Variants in CDK6 observed in about 807,000 individuals in gnomAD.
CDK6 encodes the protein cyclin dependent kinase 6, also known as cyclin-dependent kinase 6.
In CDK6, 6 loss-of-function variants were observed where a neutral mutation model predicts 37.1. That is an observed-to-expected ratio of 0.16 (90% CI 0.09 to 0.32). The LOEUF is 0.32. Among genes scored for constraint, CDK6 ranks in the 10% least tolerant of loss-of-function variants. The pLI is 1.00. For synonymous variants in CDK6, 160 were observed against 161.3 expected, an observed-to-expected ratio of 0.99 and a Z score of 0.06; for missense variants, 224 against 418.9, an observed-to-expected ratio of 0.53 and a Z score of 4.06.
chr7:92,795,774 T>C (rs1413770855), intron 2 of CDK6, among the ~76,000 whole-genome samples: 1 of 152,206 alleles, frequency 6.6e-6, no homozygotes, highest in Non-Finnish European at 1.5e-5. Flanking sequence ...TAGTTTAATT[T>C]AACCAGTTTT....
chr7:92,716,090 T>C (rs1339553032), intron 4 of CDK6, among the ~76,000 whole-genome samples: 3 of 152,128 alleles, frequency 2.0e-5, no homozygotes, highest in Non-Finnish European at 4.4e-5. Flanking sequence ...ACGCAGGCAA[T>C]TGGGAAGATT....
At chr7:92,800,401 G>C (rs1041075578) in intron 2 of CDK6, among the ~76,000 whole-genome samples, 7 of 152,060 alleles carry the variant, frequency 4.6e-5, no homozygotes, top group Admixed American at 3.9e-4. Flanking sequence ...TTCTTCTCTT[G>C]TTTGGAGCCT....
At chr7:92,766,123 A>G (rs1265629927) in intron 3 of CDK6, among the ~76,000 whole-genome samples, 1 of 152,108 alleles carries the variant, frequency 6.6e-6, no homozygotes, top group South Asian at 2.1e-4. Context: ...AAACCACTGG[A>G]GCTAAGTTTT....
chr7:92,704,191 A>G (rs1192696636), intron 4 of CDK6, among the ~76,000 whole-genome samples: 1 of 152,176 alleles, frequency 6.6e-6, no homozygotes, highest in African/African-American at 2.4e-5. Context: ...TTTATCTAAT[A>G]TATTAATTTG....
At chr7:92,647,970 G>A (rs191130795) in intron 5 of CDK6, among the ~76,000 whole-genome samples, 3 of 152,316 alleles carry the variant, frequency 2.0e-5, no homozygotes, top group East Asian at 3.9e-4. Flanking sequence ...TATAGCATGA[G>A]CAGGTTTGTT....
At position 92,605,862 on chromosome 7, in the gene CDK6, A is replaced by AAT. The variant is rs1795416388; in HGVS notation, c.*9277_*9278insAT. ...ACCCACAGGGTGGACCCGACAGGCC[A>AAT]CTGTGGTAACTCTCAATCTGTGTAC... On this transcript the variant is annotated 3_prime_UTR_variant, in exon 8 of 8. Transcript: ENST00000424848. 1 of 233,426 alleles carries AAT rather than the reference A, an allele frequency of 4.3e-6. No individual in the cohort carries two copies. The highest frequency in any genetic ancestry group is 5.6e-5 in the Admixed American group (1 of 17,774). The allele number at this position is 233,426 out of a possible 1,614,324, so 14.5% of individuals were successfully genotyped here.
At chr7:92,677,705 CAA>C (rs1278786150) in intron 4 of CDK6, among the ~76,000 whole-genome samples, 1 of 152,190 alleles carries the variant, frequency 6.6e-6, no homozygotes, top group African/African-American at 2.4e-5. Context: ...TTCTATATAT[CAA>C]GAGAGCATCC....
chr7:92,639,014 A>C (rs567492331), intron 5 of CDK6, among the ~76,000 whole-genome samples: 1 of 152,188 alleles, frequency 6.6e-6, no homozygotes, highest in African/African-American at 2.4e-5. Context: ...CTTCAGCTAC[A>C]CTGTGTTCAG....
chr7:92,608,328 G>T lies in CDK6; in HGVS notation c.*6812C>A, dbSNP rs1026904131. The T allele has an allele frequency of 8.6e-6, 2 of 231,752 alleles. No homozygotes were observed. The highest frequency in any genetic ancestry group is 1.1e-4 in the Admixed American group (2 of 17,752). The allele number at this position is 231,752 out of a possible 1,614,324, so 14.4% of individuals were successfully genotyped here. A position where few individuals can be genotyped will look rare whatever the true frequency, so the allele number is the denominator to read the frequency against. On this transcript the variant is annotated 3_prime_UTR_variant, in exon 8 of 8. Transcript: ENST00000424848. ...TCAACATGAAAATCCCCTGCTACAT[G>T]AGATAATTTGTTTACATACCTTTAA...
intron 5 of CDK6, among the ~76,000 whole-genome samples, chr7:92,646,984 C>G (rs978118829): frequency 6.6e-6 from 1 of 152,152 alleles, no homozygotes; most frequent in Non-Finnish European, 1.5e-5. Flanking sequence ...AATCTTGAGA[C>G]TAAGTGACTG....
intron 5 of CDK6, among the ~76,000 whole-genome samples, chr7:92,632,099 T>C (rs753134026): frequency 4.7e-4 from 71 of 152,156 alleles, no homozygotes; most frequent in Non-Finnish European, 7.4e-4. Context: ...GGGAGTCTTA[T>C]GGGCTCTGTT....
intron 5 of CDK6, among the ~76,000 whole-genome samples, chr7:92,662,585 C>T (rs1248841199): frequency 1.3e-5 from 2 of 152,178 alleles, no homozygotes; most frequent in African/African-American, 4.8e-5. Flanking sequence ...AACATTAATT[C>T]TCACGGGGGT....
At chr7:92,710,252 A>G (rs574347721) in intron 4 of CDK6, among the ~76,000 whole-genome samples, 59 of 152,188 alleles carry the variant, frequency 3.9e-4, no homozygotes, top group Non-Finnish European at 7.5e-4. Context: ...GATGAAACCT[A>G]AAGTGGAAGT....
chr7:92,809,287 T>C (rs886871246), intron 2 of CDK6, among the ~76,000 whole-genome samples: 1 of 152,178 alleles, frequency 6.6e-6, no homozygotes, highest in Admixed American at 6.5e-5. Flanking sequence ...TTTCTGAAAA[T>C]TTTCATCTCC....
intron 3 of CDK6, among the ~76,000 whole-genome samples, chr7:92,742,310 GTTC>G (rs1208978845): frequency 6.6e-6 from 1 of 152,102 alleles, no homozygotes; most frequent in Non-Finnish European, 1.5e-5. Flanking sequence ...CTCTGCTTCT[GTTC>G]TTCTGTTATG....
At position 92,614,043 on chromosome 7, in the gene CDK6, C is replaced by T. The variant is rs1313113815; in HGVS notation, c.*1097G>A. The T allele has an allele frequency of 4.3e-6, 1 of 233,102 alleles. No homozygotes were observed. Among genetic ancestry groups the T allele is most frequent in the African/African-American group, 2.2e-5 (1 of 45,344 alleles). 14.4% of individuals were successfully genotyped at this position (233,102 alleles called of 1,614,324 possible). A position where few individuals can be genotyped will look rare whatever the true frequency, so the allele number is the denominator to read the frequency against. ...ATAGACAAGATGGATACTTTGCCAACAAGGCAGTGTGTGGCAGAAAGTACA... is the reference window on the plus strand; with the variant it reads ...ATAGACAAGATGGATACTTTGCCAATAAGGCAGTGTGTGGCAGAAAGTACA... On this transcript the variant is annotated 3_prime_UTR_variant, in exon 8 of 8. Transcript: ENST00000424848.
At chr7:92,809,889 G>A (rs1800828961) in intron 2 of CDK6, among the ~76,000 whole-genome samples, 1 of 152,166 alleles carries the variant, frequency 6.6e-6, no homozygotes, top group Non-Finnish European at 1.5e-5. Context: ...CTGAGTCATC[G>A]TGAGCATATG....
Position 92,835,534 on chromosome 7 carries a change from C to CAAG in CDK6, c.-368+943_-368+944insCTT, listed in dbSNP as rs1801638971. The stretch of plus-strand genomic sequence containing the variant: ...GGCTGAATGTGACTTGACCCCATTT[C>CAAG]AAAAAAAGTTTGACATAGTGCTTCA... On this transcript the variant is annotated intron_variant, in intron 1 of 7. Transcript: ENST00000424848. The surrounding 1 kb of genome is among the most constrained non-coding windows in gnomAD (Gnocchi z 4.2). Among the ~76,000 whole-genome samples, 1 of 152,088 alleles carries CAAG rather than the reference C, an allele frequency of 6.6e-6. No individual in the cohort carries two copies. The highest frequency in any genetic ancestry group is 1.5e-5 in the Non-Finnish European group (1 of 68,018).
intron 3 of CDK6, 126 bp downstream of exon 3, chr7:92,774,569 AT>A (rs1174601953): frequency 2.5e-5 from 20 of 797,100 alleles, no homozygotes; most frequent in African/African-American, 1.1e-4. Flanking sequence ...ATTTTCTTTG[AT>A]TTTTTTAACT....
Sources: allele counts gnomAD v4.1 joint callset (sites outside exome capture counted in the v4.1 genomes callset), GRCh38; gene constraint gnomAD v4.1.1; non-coding constraint Gnocchi (gnomAD v3.1); transcripts MANE v1.5; gene names NCBI Gene and HGNC (gene_info 2026-07-23, HGNC 2026-07-21).